Variants in ADAR observed in about 807,000 individuals in gnomAD.
ADAR encodes the protein adenosine deaminase RNA specific, also known as double-stranded RNA-specific adenosine deaminase.
In ADAR, 41 loss-of-function variants were observed where a neutral mutation model predicts 113.2. That is an observed-to-expected ratio of 0.36 (90% CI 0.28 to 0.47). The LOEUF is 0.47. Among genes scored for constraint, ADAR ranks in the 20% least tolerant of loss-of-function variants. The pLI is 1.00. For missense variants in ADAR, 1,242 were observed against 1,540.9 expected (o/e 0.81, Z 3.25); for synonymous variants, 605 against 572.6 (o/e 1.06, Z -0.81).
intron 1 of ADAR, among the ~76,000 whole-genome samples, chr1:154,616,906 T>C (rs1218831531): frequency 6.6e-6 from 1 of 152,210 alleles, no homozygotes; most frequent in East Asian, 1.9e-4. Flanking sequence ...CACTGCCCTC[T>C]CCAGCACTTC....
At chr1:154,597,575 T>C (rs1697582873) in intron 4 of ADAR, among the ~76,000 whole-genome samples, 1 of 152,136 alleles carries the variant, frequency 6.6e-6, no homozygotes, top group African/African-American at 2.4e-5. Context: ...CCACCAACAG[T>C]GAGTGACCTC....
intron 1 of ADAR, among the ~76,000 whole-genome samples, chr1:154,625,566 GA>G (rs763981316): frequency 1.3e-5 from 2 of 152,252 alleles, no homozygotes; most frequent in Admixed American, 6.5e-5. Context: ...AAGTGCTAAA[GA>G]GAAGCGAAAG....
chr1:154,585,842 G>A lies in ADAR; in HGVS notation c.3226C>T (p.Leu1076=), dbSNP rs2101563671. The change falls in exon 13 of 15, where the codon CTG becomes TTG. Residue 1076 remains leucine, a synonymous_variant. Coordinates refer to ENST00000368474, the MANE Select transcript of ADAR (RefSeq NM_001111.5). ...ACACGACAGCAAATAGCACGGGTCA[G>A]ATGCCCTTGGCTGAAAAGGTAACCT... ...TLGYLFSQGH[L]TRAICCRVTR... is the part of the protein sequence containing the mutation. The A allele has an allele frequency of 3.1e-6, 5 of 1,614,156 alleles. No homozygotes were observed. Among genetic ancestry groups the A allele is most frequent in the Non-Finnish European group, 3.4e-6 (4 of 1,179,972 alleles).
chr1:154,601,336 C>G lies in ADAR; in HGVS notation c.1306G>C (p.Val436Leu). The change falls in exon 2 of 15, where the codon GTT becomes CTT. Residue 436 changes from valine (V) to leucine (L), a missense_variant. Physicochemically the swap from Val to Leu is conservative, Grantham distance 32 (BLOSUM62 1). This residue lies in a region of ADAR where 780 missense variants were observed against 1,057.9 expected (regional missense o/e 0.74). Coordinates refer to ENST00000368474, the MANE Select transcript of ADAR (RefSeq NM_001111.5). This position sits in a 1 kb window ranked among gnomAD's most constrained non-coding sequence, Gnocchi z 4.7. Reference sequence around the variant, plus strand: ...GCTTTTGAGGGGCCATTGTAATGAACAGGTGGTTTCAGTCTTGCTGGTTCT... The same window carrying G: ...GCTTTTGAGGGGCCATTGTAATGAAGAGGTGGTTTCAGTCTTGCTGGTTCT... ...RPEPARLKPP[V>L]HYNGPSKAGY... 1 of 1,614,244 alleles carries G rather than the reference C, an allele frequency of 6.2e-7. No homozygotes were observed. Among genetic ancestry groups the G allele is most frequent in the Non-Finnish European group, 8.5e-7 (1 of 1,180,044 alleles).
At chr1:154,626,136 G>A (rs200289118) in intron 1 of ADAR, among the ~76,000 whole-genome samples, 3 of 97,730 alleles carry the variant, frequency 3.1e-5, no homozygotes, top group African/African-American at 1.1e-4. Flanking sequence ...TTTTTTTTTT[G>A]AGATACAGTT....
Position 154,584,842 on chromosome 1 carries a change from G to C in ADAR, c.3645C>G (p.Pro1215=), listed in dbSNP as rs886045338. ...AGAGATAAAAGTTCTTTTCCTCCTG[G>C]GGTTTGCTAATCCAGTTCCCATAGC... The part of the protein sequence containing the change: ...DMGYGNWISK[P]QEEKNFYLCP... Residue 1215 remains proline, a synonymous_variant, in exon 15 of 15, where the codon CCC becomes CCG. Transcript: ENST00000368474. The C allele has an allele frequency of 2.5e-6, 4 of 1,614,000 alleles. No homozygotes were observed. The African/African-American group carries it at 5.3e-5, about 22-fold the overall frequency.
intron 1 of ADAR, among the ~76,000 whole-genome samples, chr1:154,622,307 T>C (rs1262623152): frequency 6.6e-6 from 1 of 152,210 alleles, no homozygotes; most frequent in Non-Finnish European, 1.5e-5. Context: ...TGTATCAGGC[T>C]GTTAGATAGC....
At position 154,585,878 on chromosome 1, in the gene ADAR, A is replaced by G; in HGVS notation, c.3203-13T>C. ...CTGAAAAGGTAACCTGAGTACAAAA[A>G]AGAGAAACATATATACCTGTGTTTG... On this transcript the variant is annotated splice_polypyrimidine_tract_variant and intron_variant, in intron 12 of 14. Coordinates refer to ENST00000368474, the MANE Select transcript of ADAR (RefSeq NM_001111.5). The G allele has an allele frequency of 1.2e-6, 2 of 1,607,428 alleles. No individual in the cohort carries two copies. The highest frequency in any genetic ancestry group is 1.1e-5 in the South Asian group (1 of 90,686).
At chr1:154,585,928 AG>A in intron 12 of ADAR, 63 bp from the exon 13 acceptor site, 1 of 1,450,738 alleles carries the variant, frequency 6.9e-7, no homozygotes. Context: ...AAGAGGCAGA[AG>A]CATGTGGGGA....
At chr1:154,623,542 C>A (rs565606716) in intron 1 of ADAR, among the ~76,000 whole-genome samples, 1 of 152,182 alleles carries the variant, frequency 6.6e-6, no homozygotes, top group Non-Finnish European at 1.5e-5. Flanking sequence ...AGGTTATGGA[C>A]GGGCAGTTTA....
intron 4 of ADAR, among the ~76,000 whole-genome samples, chr1:154,597,568 C>T (rs1454312900): frequency 6.6e-6 from 1 of 152,160 alleles, no homozygotes; most frequent in Non-Finnish European, 1.5e-5. Flanking sequence ...TTCTGTCCCA[C>T]CAACAGTGAG....
At chr1:154,611,275 T>A (rs1489246044), upstream of ADAR, among the ~76,000 whole-genome samples, 3 of 152,124 alleles carry the variant, frequency 2.0e-5, no homozygotes, top group African/African-American at 7.2e-5. Flanking sequence ...TAATCTAACA[T>A]AGGACACAGT....
At chr1:154,586,137 CAAG>C (rs761779405) in intron 12 of ADAR, 41 bp downstream of exon 12, 79 of 1,610,650 alleles carry the variant, frequency 4.9e-5, no homozygotes, top group Middle Eastern at 3.7e-4. Flanking sequence ...GATCTGGGCA[CAAG>C]AAGGACAGAC....
At chr1:154,613,892 G>A (rs1464850144) in intron 1 of ADAR, among the ~76,000 whole-genome samples, 3 of 119,998 alleles carry the variant, frequency 2.5e-5, no homozygotes, top group African/African-American at 9.1e-5. Flanking sequence ...CAACAAGAGC[G>A]AAACTCCATC....
At chr1:154,590,432 T>TGAAGACAAGTGCCAGAC (rs754651430) in intron 6 of ADAR, 23 bp from the exon 7 acceptor site, 7 of 1,607,730 alleles carry the variant, frequency 4.4e-6, no homozygotes, top group Non-Finnish European at 6.0e-6. Flanking sequence ...AAACAGAGAA[T>TGAAGACAAGTGCCAGAC]GAAGACAAGT....
Position 154,585,288 on chromosome 1 carries a change from T to C in ADAR, c.3372A>G (p.Thr1124=), listed in dbSNP as rs1305912724. 1.2e-6 allele frequency: 2 copies of C among 1,614,202 alleles called. No individual in the cohort carries two copies. The highest frequency in any genetic ancestry group is 1.1e-5 in the South Asian group (1 of 91,082). ...CATCAGCCAGACACCAGTTGACGCTTGTCTCCTTAGTCTTCCCGGATTGCC... is the reference window on the plus strand; with the variant it reads ...CATCAGCCAGACACCAGTTGACGCTCGTCTCCTTAGTCTTCCCGGATTGCC... ...SKRQSGKTKE[T]SVNWCLADGY... is the part of the protein sequence containing the mutation. Residue 1124 remains threonine, a synonymous_variant, in exon 14 of 15, where the codon ACA becomes ACG. Transcript: ENST00000368474.
intron 6 of ADAR, among the ~76,000 whole-genome samples, chr1:154,592,178 C>T (rs889288007): frequency 7.9e-5 from 12 of 152,194 alleles, no homozygotes; most frequent in African/African-American, 1.2e-4. Context: ...GCGCTTCTCC[C>T]ACCACAGGAT....
chr1:154,586,445 T>C, intron 11 of ADAR, 82 bp from the exon 12 acceptor site: 1 of 1,365,522 alleles, frequency 7.3e-7, no homozygotes, highest in Non-Finnish European at 1.0e-6. Context: ...TCCTTAAGCT[T>C]GGGCCACAGG....
In ADAR at chr1:154,596,916, A is replaced by G. The variant is rs774775662; in HGVS notation, c.2159T>C (p.Val720Ala). 2 of 1,611,696 alleles carry G rather than the reference A, an allele frequency of 1.2e-6. No individual in the cohort carries two copies. The highest frequency in any genetic ancestry group is 1.7e-6 in the Non-Finnish European group (2 of 1,177,808). ...CACAGGGTTGGTGTTCAGGTATCTCACGAGCTCGCCAATCTTCCTGACCTT... is the reference window on the plus strand; with the variant it reads ...CACAGGGTTGGTGTTCAGGTATCTCGCGAGCTCGCCAATCTTCCTGACCTT... The part of the protein sequence containing the change: ...PNKVRKIGEL[V>A]RYLNTNPVGG... Residue 720 changes from valine (V) to alanine (A), a missense_variant, in exon 6 of 15, where the codon GTG becomes GCG. Around this residue, in one of 2 missense-constraint regions of ADAR, gnomAD observed 780 missense variants for 1,057.9 expected, o/e 0.74. Coordinates refer to ENST00000368474, the MANE Select transcript of ADAR (RefSeq NM_001111.5).
Sources: allele counts gnomAD v4.1 joint callset (sites outside exome capture counted in the v4.1 genomes callset), GRCh38; gene constraint gnomAD v4.1.1; regional missense constraint gnomAD v4.1.1; non-coding constraint Gnocchi (gnomAD v3.1); transcripts MANE v1.5; gene names NCBI Gene and HGNC (gene_info 2026-07-23, HGNC 2026-07-21).